The following CPNE4 variants were observed in gnomAD, a reference collection of about 807,000 sequenced individuals.
CPNE4 encodes the protein copine 4, also known as copine-4.
CPNE4 carries 25 observed loss-of-function variants against 67.9 expected under a neutral mutation model. The observed-to-expected ratio is 0.37, with a 90% CI of 0.27 to 0.51. CPNE4 has a LOEUF of 0.51. Among genes scored for constraint, CPNE4 ranks in the 20% least tolerant of loss-of-function variants. CPNE4 has a pLI of 0.93. For synonymous variants in CPNE4, 242 were observed against 244.9 expected (o/e 0.99, Z 0.11); for missense variants, 464 against 690.8 (o/e 0.67, Z 3.68).
intron 1 of CPNE4, among the ~76,000 whole-genome samples, chr3:132,022,759 T>C (rs1997386): frequency 0.93 from 141,437 of 152,220 alleles, 66,000 homozygotes; most frequent in African/African-American, 0.98. Flanking sequence ...AACCAGTGAT[T>C]TAGATGTTTG....
At chr3:131,698,233 C>CAAAAA (rs369274504) in intron 4 of CPNE4, among the ~76,000 whole-genome samples, 16 of 64,434 alleles carry the variant, frequency 2.5e-4, no homozygotes, top group South Asian at 6.0e-4. Flanking sequence ...GGCTCTGTCT[C>CAAAAA]AAAAAAAAAA....
intron 1 of CPNE4, among the ~76,000 whole-genome samples, chr3:131,965,320 T>C (rs1419166029): frequency 2.0e-5 from 3 of 152,150 alleles, no homozygotes; most frequent in African/African-American, 4.8e-5. Context: ...CATCAACTAA[T>C]GTGCAAAATA....
In CPNE4 at chr3:131,958,187, A is replaced by G. The variant is rs556309663; in HGVS notation, c.-1-52743T>C. Among the ~76,000 whole-genome samples the G allele has an allele frequency of 3.3e-5, 5 of 152,372 alleles. No homozygotes were observed. In the East Asian group the frequency reaches 7.7e-4, roughly 23 times the overall value. On this transcript the variant is annotated intron_variant, in intron 1 of 15. Coordinates refer to ENST00000429747, the MANE Select transcript of CPNE4 (RefSeq NM_130808.3). ...TTCCATTAGGCATTTGAAATGCTTT[A>G]TCTCATCTAATCCTCACTGCAACTC...
intron 1 of CPNE4, among the ~76,000 whole-genome samples, chr3:131,971,932 C>T (rs2072513678): frequency 6.6e-6 from 1 of 152,168 alleles, no homozygotes; most frequent in East Asian, 1.9e-4. Flanking sequence ...GCCTTTGTTT[C>T]TCTTGCATTT....
In CPNE4 at chr3:131,783,892, G is replaced by A. The variant is rs376597692; in HGVS notation, c.181-60267C>T. ...AGTCCAGTGATCTACACCACAGACT[G>A]CCCAGGGAACAACAGAAGTCAGATT... is the stretch of plus-strand genomic sequence containing the variant. On this transcript the variant is annotated intron_variant, in intron 2 of 15. Coordinates refer to ENST00000429747, the MANE Select transcript of CPNE4 (RefSeq NM_130808.3). Among the ~76,000 whole-genome samples, 65 of 152,214 alleles carry A rather than the reference G, an allele frequency of 4.3e-4. No homozygotes were observed. The East Asian group carries it at 8.1e-3, about 19-fold the overall frequency.
rs745460930 is a variant in CPNE4 at position 131,942,421 on chromosome 3, C to CGTGT, written c.-1-36981_-1-36978dup. 2.1e-3 allele frequency among the ~76,000 whole-genome samples: 191 copies of CGTGT among 89,648 alleles called. 5 individuals carry two copies. Among genetic ancestry groups the CGTGT allele is most frequent in the African/African-American group, 4.8e-3 (109 of 22,930 alleles). 58.8% of individuals were successfully genotyped at this position (89,648 alleles called of 152,430 possible). On this transcript the variant is annotated intron_variant, in intron 1 of 15. Coordinates refer to ENST00000429747, the MANE Select transcript of CPNE4 (RefSeq NM_130808.3). The stretch of plus-strand genomic sequence containing the variant: ...TTGACAAGGTTTCTTCTAGCTTCCT[C>CGTGT]GTGTGTGTGTGTGTGTGTGTGTGTG...
At chr3:131,743,831 C>T (rs9861214) in intron 2 of CPNE4, among the ~76,000 whole-genome samples, 32,015 of 150,944 alleles carry the variant, frequency 0.21, 4,185 homozygotes, top group Non-Finnish European at 0.28. Context: ...GGCGTGGTAG[C>T]GGGCGCCTGT....
At chr3:132,002,682 G>A (rs1428853880) in intron 1 of CPNE4, among the ~76,000 whole-genome samples, 1 of 151,994 alleles carries the variant, frequency 6.6e-6, no homozygotes, top group East Asian at 1.9e-4. Flanking sequence ...TGTCCATTTG[G>A]ACATTTCTGT....
intron 1 of CPNE4, among the ~76,000 whole-genome samples, chr3:131,943,742 C>T (rs981715626): frequency 1.3e-5 from 2 of 152,050 alleles, no homozygotes; most frequent in African/African-American, 4.8e-5. Context: ...TCGTATCTCC[C>T]CTACTTTCTT....
chr3:131,655,323 C>G lies in CPNE4; in HGVS notation c.681+14352G>C, dbSNP rs2079926133. ...AGCCTTCCTGGAGATTCTGATGTTG[C>G]TAAAGTTTGATGATATTATTCTAGA... On this transcript the variant is annotated intron_variant, in intron 7 of 15. Transcript: ENST00000429747. Among the ~76,000 whole-genome samples the G allele has an allele frequency of 2.0e-5, 3 of 152,240 alleles. No individual in the cohort carries two copies. The South Asian group carries it at 6.2e-4, about 32-fold the overall frequency.
chr3:132,000,482 CAATAAATAATAA>C (rs1336830188), intron 1 of CPNE4, among the ~76,000 whole-genome samples: 2 of 150,586 alleles, frequency 1.3e-5, no homozygotes, highest in African/African-American at 2.4e-5. Context: ...AGTCGATAAA[CAATAAATAATAA>C]AATAAATAAT....
chr3:131,667,184 T>G (rs1385753781), intron 7 of CPNE4, among the ~76,000 whole-genome samples: 1 of 152,062 alleles, frequency 6.6e-6, no homozygotes, highest in Non-Finnish European at 1.5e-5. Context: ...CCCTAAAAAG[T>G]TCGTTGCTTT....
chr3:131,882,481 C>T (rs6439321), intron 2 of CPNE4, among the ~76,000 whole-genome samples: 53,746 of 151,882 alleles, frequency 0.35, 10,683 homozygotes, highest in African/African-American at 0.53. Context: ...TTGGTATGAT[C>T]GTTCCAGATA....
rs3039201 is a variant in CPNE4, at chr3:131,586,726, ATCTGTCTGTCTGTCTG to A, written c.780+742_780+757del. On this transcript the variant is annotated intron_variant, in intron 8 of 15. Transcript: ENST00000429747. ...TGGGCCCAGATGACTTTCTATCTCT[ATCTGTCTGTCTGTCTG>A]TCTGTCTGTCTGTCTGTCTGTCTGT... 6.6e-3 allele frequency among the ~76,000 whole-genome samples: 856 copies of A among 129,694 alleles called. 6 individuals carry two copies. The highest frequency in any genetic ancestry group is 0.029 in the African/African-American group (777 of 26,834). The allele number at this position is 129,694 out of a possible 152,430, so 85.1% of individuals were successfully genotyped here.
chr3:131,714,692 T>C (rs1435771665), intron 3 of CPNE4, among the ~76,000 whole-genome samples: 2 of 152,186 alleles, frequency 1.3e-5, no homozygotes, highest in Non-Finnish European at 2.9e-5. Context: ...ATGCAGATTA[T>C]TGAATCTCTC....
chr3:131,728,348 C>T (rs2082046232), intron 2 of CPNE4, among the ~76,000 whole-genome samples: 1 of 152,188 alleles, frequency 6.6e-6, no homozygotes, highest in South Asian at 2.1e-4. Flanking sequence ...TTTTACACAA[C>T]TTGTAGGTAG....
chr3:131,728,321 C>A (rs925590534), intron 2 of CPNE4, among the ~76,000 whole-genome samples: 2 of 152,084 alleles, frequency 1.3e-5, no homozygotes, highest in South Asian at 4.2e-4. Flanking sequence ...ATAGAGAGAC[C>A]GCCATAACTT....
At chr3:131,953,131 G>A (rs1345217322) in intron 1 of CPNE4, among the ~76,000 whole-genome samples, 10 of 150,628 alleles carry the variant, frequency 6.6e-5, no homozygotes, top group African/African-American at 2.4e-4. Context: ...CTCTGCCTAG[G>A]AAAACCAGAG....
rs544510336 is a variant in CPNE4, at chr3:131,739,452, C to G, written c.181-15827G>C. On this transcript the variant is annotated intron_variant, in intron 2 of 15. Coordinates refer to ENST00000429747, the MANE Select transcript of CPNE4 (RefSeq NM_130808.3). ...GCTGCTTCCCCCTGTGGCTGTGCTT[C>G]CTGTTTCTAAGGAACTGTGAGTATA... Among the ~76,000 whole-genome samples, 4 of 152,330 alleles carry G rather than the reference C, an allele frequency of 2.6e-5. No homozygotes were observed. In the South Asian group the frequency reaches 8.3e-4, roughly 32 times the overall value.
Sources: gnomAD v4.1 joint callset for allele counts (sites outside exome capture counted in the v4.1 genomes callset) on GRCh38, gnomAD v4.1.1 for gene constraint, MANE v1.5 for transcripts, NCBI Gene and HGNC (gene_info 2026-07-23, HGNC 2026-07-21) for gene names.